Variants in HPN observed in about 807,000 individuals in gnomAD.
The protein encoded by HPN is hepsin, also known as serine protease hepsin.
Under a neutral mutation model 55.9 loss-of-function variants are expected in HPN, and 13 were observed. The ratio of observed to expected loss-of-function variants is 0.23; its 90% CI spans 0.15 to 0.37. The LOEUF (loss-of-function observed/expected upper bound fraction) is 0.37. Ranked by LOEUF, HPN falls within the 10% of genes least tolerant of loss-of-function variation. HPN has a pLI of 1.00. For synonymous variants in HPN, 225 were observed against 240.3 expected, an observed-to-expected ratio of 0.94 and a Z score of 0.59; for missense variants, 451 against 575.8, an observed-to-expected ratio of 0.78 and a Z score of 2.22.
intron 2 of HPN, 61 bp from the exon 3 acceptor site, chr19:35,049,228 GC>G: frequency 7.7e-7 from 1 of 1,290,830 alleles, no homozygotes; most frequent in Non-Finnish European, 1.0e-6. Context: ...CTGGCCTCGG[GC>G]CCAGACCCTG....
chr19:35,049,562 C>T (rs755405778), intron 4 of HPN, 46 bp downstream of exon 4: 34 of 1,539,718 alleles, frequency 2.2e-5, no homozygotes, highest in East Asian at 4.7e-5. Flanking sequence ...CTGGAGGACA[C>T]GTGTATCTGG....
rs949957728 is a variant in HPN at position 35,059,806 on chromosome 19, C to G, written c.290+4C>G. 3.2e-6 allele frequency: 5 copies of G among 1,561,630 alleles called. No individual in the cohort carries two copies. The highest frequency in any genetic ancestry group is 3.7e-5 in the Admixed American group (2 of 53,738). ...GCGAGGAGATGGGCTTCCTCAGGTA[C>G]TGGGGGCCCTCGGAGGGGTGGGAGC... On this transcript the variant is annotated splice_donor_region_variant and intron_variant, in intron 5 of 12. Coordinates refer to ENST00000672452, the MANE Select transcript of HPN (RefSeq NM_001384133.1).
intron 12 of HPN, 22 bp from the exon 13 acceptor site, chr19:35,066,227 G>A (rs376869327): frequency 3.8e-5 from 61 of 1,614,032 alleles, no homozygotes; most frequent in Non-Finnish European, 4.7e-5. Context: ...GACCTCGGGA[G>A]CCCCCAGCTG....
chr19:35,058,561 T>C (rs2064483657), intron 4 of HPN, among the ~76,000 whole-genome samples: 1 of 147,322 alleles, frequency 6.8e-6, no homozygotes, highest in African/African-American at 2.5e-5. Flanking sequence ...TCTAATAATA[T>C]ATTAATATTA....
intron 4 of HPN, among the ~76,000 whole-genome samples, chr19:35,050,914 C>CTTTTTTTTTTTTTTTTTTTTTTTTTTT (rs5827917): frequency 2.3e-4 from 21 of 90,440 alleles, no homozygotes; most frequent in East Asian, 3.4e-4. Flanking sequence ...TTCTTTCTTT[C>CTTTTTTTTTTTTTTTTTTTTTTTTTTT]TTTTTTTTTT....
intron 1 of HPN, 23 bp from the exon 2 acceptor site, chr19:35,042,430 C>A: frequency 6.5e-7 from 1 of 1,549,612 alleles, no homozygotes; most frequent in Non-Finnish European, 8.7e-7. Flanking sequence ...CCAGGCCCTG[C>A]CTCCCCGTCC....
In HPN at chr19:35,059,946, C is replaced by G; in HGVS notation, c.363C>G (p.Asp121Glu). 2 of 1,541,972 alleles carry G rather than the reference C, an allele frequency of 1.3e-6. No individual in the cohort carries two copies. Among genetic ancestry groups the G allele is most frequent in the Non-Finnish European group, 1.7e-6 (2 of 1,145,030 alleles). Residue 121 changes from aspartate to glutamate, a missense_variant, in exon 6 of 13, where the codon GAC (aspartate) becomes GAG (glutamate). Coordinates refer to ENST00000672452, the MANE Select transcript of HPN (RefSeq NM_001384133.1). ...GCACGTCGGGCTTCTTCTGTGTGGA[C>G]GAGGGGAGGCTGCCCCACACCCAGA... is the stretch of plus-strand genomic sequence containing the variant. ...ANGTSGFFCV[D>E]EGRLPHTQRL...
intron 9 of HPN, among the ~76,000 whole-genome samples, chr19:35,062,588 T>G (rs2151767828): frequency 6.6e-6 from 1 of 152,192 alleles, no homozygotes; most frequent in Non-Finnish European, 1.5e-5. Context: ...GGGCTTCAGA[T>G]TTCAGCAGGC....
intron 4 of HPN, among the ~76,000 whole-genome samples, chr19:35,054,525 C>A (rs1471587290): frequency 1.3e-5 from 2 of 152,138 alleles, no homozygotes; most frequent in Non-Finnish European, 2.9e-5. Context: ...ACTGACACCC[C>A]CCAGTAAACG....
At position 35,049,501 on chromosome 19, in the gene HPN, G is replaced by A. The variant is rs1176857498; in HGVS notation, c.145G>A (p.Glu49Lys). The change falls in exon 4 of 13, where the codon GAG (glutamate) becomes AAG (lysine). Residue 49 changes from glutamate (E) to lysine (K), a missense_variant. Physicochemically the swap from Glu to Lys is moderately conservative, Grantham distance 56. This residue lies in a region of HPN where 378 missense variants were observed against 445.5 expected (regional missense o/e 0.85). Transcript: ENST00000672452. ...IVAVLLRSDQ[E>K]PLYPVQVSSA... ...GGCTGTTCTCCTCAGGAGTGACCAG[G>A]AGCCGCTGTACCCAGGTGAGTGGAG... 1 of 1,604,648 alleles carries A rather than the reference G, an allele frequency of 6.2e-7. No individual in the cohort carries two copies. Among genetic ancestry groups the A allele is most frequent in the Non-Finnish European group, 8.5e-7 (1 of 1,175,308 alleles).
At chr19:35,041,717 C>T (rs945733591), upstream of HPN, 33 of 1,197,774 alleles carry the variant, frequency 2.8e-5, no homozygotes, top group Non-Finnish European at 3.5e-5. Flanking sequence ...CCCCCTCCTC[C>T]TCAGGTGAGG....
rs1461308833 is a variant in HPN at position 35,049,493 on chromosome 19, G to A, written c.137G>A (p.Ser46Asn). The A allele has an allele frequency of 5.6e-6, 9 of 1,606,734 alleles. No homozygotes were observed. The highest frequency in any genetic ancestry group is 5.3e-5 in the African/African-American group (4 of 74,838). The stretch of plus-strand genomic sequence containing the variant: ...TCTGCAGTGGCTGTTCTCCTCAGGA[G>A]TGACCAGGAGCCGCTGTACCCAGGT... ...SWAIVAVLLR[S>N]DQEPLYPVQV... The change falls in exon 4 of 13, where the codon AGT becomes AAT. Residue 46 changes from serine to asparagine, a missense_variant. Coordinates refer to ENST00000672452, the MANE Select transcript of HPN (RefSeq NM_001384133.1).
chr19:35,066,462 C>A lies in HPN; in HGVS notation c.*175C>A, dbSNP rs1251960952. The A allele has an allele frequency of 5.5e-6, 4 of 732,224 alleles. No individual in the cohort carries two copies. Among genetic ancestry groups the A allele is most frequent in the East Asian group, 2.7e-5 (1 of 36,730 alleles). 45.4% of individuals were successfully genotyped at this position (732,224 alleles called of 1,614,324 possible). ...CGGGCCCACTCAGCCCCGAGACCAC[C>A]CAACCTCACCCTCCTGACCCCCATG... On this transcript the variant is annotated 3_prime_UTR_variant, in exon 13 of 13. Transcript: ENST00000672452.
intron 4 of HPN, among the ~76,000 whole-genome samples, chr19:35,055,885 G>A (rs1025540374): frequency 1.2e-4 from 18 of 152,136 alleles, no homozygotes; most frequent in African/African-American, 4.3e-4. Flanking sequence ...GAGGGAGCTG[G>A]TGACCACCTG....
At chr19:35,042,213 C>T in intron 1 of HPN, 1 of 1,291,084 alleles carries the variant, frequency 7.7e-7, no homozygotes, top group Non-Finnish European at 9.8e-7. Flanking sequence ...CCTCAGTCCC[C>T]TGCTCCACCA....
rs373878523 is a variant in HPN at position 35,065,530 on chromosome 19, C to T, written c.908-9C>T. ...CCAGCTCTGGCCAGCCTTGCCTGCA[C>T]ACCCCCAGGCCAACAGGCCGGGGTA... On this transcript the variant is annotated splice_polypyrimidine_tract_variant and intron_variant, in intron 10 of 12. Coordinates refer to ENST00000672452, the MANE Select transcript of HPN (RefSeq NM_001384133.1). The T allele has an allele frequency of 1.2e-5, 20 of 1,613,552 alleles. No individual in the cohort carries two copies. In the African/African-American group the frequency reaches 1.3e-4, roughly 11 times the overall value.
chr19:35,043,058 C>T (rs1381353711), intron 2 of HPN, among the ~76,000 whole-genome samples: 1 of 152,114 alleles, frequency 6.6e-6, no homozygotes, highest in Non-Finnish European at 1.5e-5. Flanking sequence ...AGACGCATGC[C>T]ATCAAGCAGA....
intron 2 of HPN, 90 bp from the exon 3 acceptor site, chr19:35,049,200 C>T (rs2064377030): frequency 1.1e-6 from 1 of 910,814 alleles, no homozygotes; most frequent in Non-Finnish European, 1.6e-6. Context: ...ATAAGTTAGC[C>T]CTGGGGGCAG....
At chr19:35,060,557 G>T in intron 8 of HPN, 45 bp downstream of exon 8, 1 of 1,611,854 alleles carries the variant, frequency 6.2e-7, no homozygotes, top group South Asian at 1.1e-5. Context: ...GCAGAGGAGC[G>T]GAGAGACAGT....
Sources: allele counts gnomAD v4.1 joint callset (sites outside exome capture counted in the v4.1 genomes callset), GRCh38; gene constraint gnomAD v4.1.1; regional missense constraint gnomAD v4.1.1; transcripts MANE v1.5; gene names NCBI Gene and HGNC (gene_info 2026-07-23, HGNC 2026-07-21).